The following MAP3K4 variants were observed in gnomAD, a reference collection of about 807,000 sequenced individuals.
MAP3K4 encodes MAP three kinase 1.
A neutral mutation model predicts 185.6 loss-of-function variants in MAP3K4; 67 were observed. The ratio of observed to expected loss-of-function variants is 0.36; its 90% CI spans 0.30 to 0.44. The LOEUF is 0.44. Ranked by LOEUF, MAP3K4 falls within the 20% of genes least tolerant of loss-of-function variation. MAP3K4 has a pLI of 1.00. For synonymous variants in MAP3K4, 702 were observed against 710.4 expected (o/e 0.99, Z 0.19); for missense variants, 1,551 against 1,995.1 (o/e 0.78, Z 4.24).
chr6:161,026,255 C>T (rs1273370082), intron 1 of MAP3K4, among the ~76,000 whole-genome samples: 3 of 151,876 alleles, frequency 2.0e-5, no homozygotes, highest in African/African-American at 4.8e-5. Flanking sequence ...CTCAGCCTCC[C>T]GAGTAGCTGG....
Position 161,041,319 on chromosome 6 carries a change from A to G in MAP3K4, c.343+6870A>G, listed in dbSNP as rs182985898. On this transcript the variant is annotated intron_variant, in intron 2 of 26. Coordinates refer to ENST00000392142, the MANE Select transcript of MAP3K4 (RefSeq NM_005922.4). ...TGTCTGTGGGTAACTATCTCTTAACAGGAGCCCCTGGGGGCTGGAGTGCAG... is the reference window on the plus strand; with the variant it reads ...TGTCTGTGGGTAACTATCTCTTAACGGGAGCCCCTGGGGGCTGGAGTGCAG... Among the ~76,000 whole-genome samples the G allele has an allele frequency of 4.6e-5, 7 of 152,308 alleles. No homozygotes were observed. In the East Asian group the frequency reaches 1.4e-3, roughly 29 times the overall value.
Position 161,087,790 on chromosome 6 carries a change from G to A in MAP3K4, c.2659G>A (p.Asp887Asn), listed in dbSNP as rs776867715. The A allele has an allele frequency of 2.9e-5, 46 of 1,614,024 alleles. 1 individual carries two copies. The highest frequency in any genetic ancestry group is 3.6e-5 in the Non-Finnish European group (43 of 1,180,016). ...LQLLNAAAGK[D>N]CSKDSDDVLI... Reference sequence around the variant, plus strand: ...GTTACTCAATGCAGCTGCAGGAAAGGACTGTTCAAAAGATTCAGATGACGT... The same window carrying A: ...GTTACTCAATGCAGCTGCAGGAAAGAACTGTTCAAAAGATTCAGATGACGT... Residue 887 changes from aspartate (D) to asparagine (N), a missense_variant, in exon 10 of 27, where the codon GAC becomes AAC. Physicochemically the swap from Asp to Asn is conservative, Grantham distance 23. Around this residue, in one of 16 missense-constraint regions of MAP3K4, gnomAD observed 261 missense variants for 306.5 expected, o/e 0.85. Transcript: ENST00000392142. This position sits in a 1 kb window ranked among gnomAD's most constrained non-coding sequence, Gnocchi z 4.9.
At position 161,108,694 on chromosome 6, in the gene MAP3K4, A is replaced by G. The variant is rs1166560234; in HGVS notation, c.4120-49A>G. On this transcript the variant is annotated intron_variant, in intron 21 of 26. Coordinates refer to ENST00000392142, the MANE Select transcript of MAP3K4 (RefSeq NM_005922.4). The surrounding 1 kb of genome is among the most constrained non-coding windows in gnomAD (Gnocchi z 5.7). ...ATGTTTCAGTGTATGTGTATAATGT[A>G]GAGTGATTAAATCAAGCCAGTTAAC... 1 of 1,004,294 alleles carries G rather than the reference A, an allele frequency of 1.0e-6. No homozygotes were observed. Among genetic ancestry groups the G allele is most frequent in the Non-Finnish European group, 1.6e-6 (1 of 623,460 alleles). 62.2% of individuals were successfully genotyped at this position (1,004,294 alleles called of 1,614,324 possible).
At chr6:161,035,304 T>A (rs983164093) in intron 2 of MAP3K4, among the ~76,000 whole-genome samples, 2 of 152,216 alleles carry the variant, frequency 1.3e-5, no homozygotes, top group Non-Finnish European at 2.9e-5. Context: ...CCTGTTGACC[T>A]CACACTCATT....
intron 1 of MAP3K4, among the ~76,000 whole-genome samples, chr6:161,033,642 G>A (rs1462883764): frequency 1.3e-5 from 2 of 152,080 alleles, no homozygotes; most frequent in Non-Finnish European, 2.9e-5. Flanking sequence ...TCATTTTCAA[G>A]TGGTTCAGTG....
chr6:161,031,470 T>C (rs1782926102), intron 1 of MAP3K4, among the ~76,000 whole-genome samples: 1 of 152,214 alleles, frequency 6.6e-6, no homozygotes, highest in Admixed American at 6.5e-5. Context: ...TCCCATGGCA[T>C]GTAGATCCCA....
rs1785803582 is a variant in MAP3K4 at position 161,087,736 on chromosome 6, C to T, written c.2605C>T (p.Leu869Phe). 6.2e-7 allele frequency: 1 copy of T among 1,614,160 alleles called. No individual in the cohort carries two copies. The highest frequency in any genetic ancestry group is 8.5e-7 in the Non-Finnish European group (1 of 1,180,008). ...CTTGCAAATGTTTGTTCCAGACACT[C>T]TTGCTGAGGAGAAGAGTATTATTTT... is the stretch of plus-strand genomic sequence containing the variant. ...ENLQMFVPDT[L>F]AEEKSIILQL... Residue 869 changes from leucine (L) to phenylalanine (F), a missense_variant, in exon 10 of 27, where the codon CTT (leucine) becomes TTT (phenylalanine). Leu to Phe is a conservative substitution (Grantham distance 22). Around this residue, in one of 16 missense-constraint regions of MAP3K4, gnomAD observed 261 missense variants for 306.5 expected, o/e 0.85. Coordinates refer to ENST00000392142, the MANE Select transcript of MAP3K4 (RefSeq NM_005922.4). This position sits in a 1 kb window ranked among gnomAD's most constrained non-coding sequence, Gnocchi z 4.9.
Position 161,080,664 on chromosome 6 carries a change from G to T in MAP3K4, c.2098-217G>T. ...ATTTTGAAGGGGTTGTCAATAATAT[G>T]TTAAATTGCTGGGGAGTTAGTTTTG... is the stretch of plus-strand genomic sequence containing the variant. On this transcript the variant is annotated intron_variant, in intron 5 of 26. Coordinates refer to ENST00000392142, the MANE Select transcript of MAP3K4 (RefSeq NM_005922.4). The surrounding 1 kb of genome is among the most constrained non-coding windows in gnomAD (Gnocchi z 4.8). 4.0e-6 allele frequency: 2 copies of T among 498,650 alleles called. No individual in the cohort carries two copies. The highest frequency in any genetic ancestry group is 7.2e-6 in the Non-Finnish European group (2 of 279,690). 30.9% of individuals were successfully genotyped at this position (498,650 alleles called of 1,614,324 possible).
intron 3 of MAP3K4, among the ~76,000 whole-genome samples, chr6:161,058,411 T>C (rs1784336177): frequency 1.3e-5 from 2 of 152,214 alleles, no homozygotes; most frequent in Non-Finnish European, 2.9e-5. Flanking sequence ...CATGACTTAC[T>C]GGGCCTGTGT....
In MAP3K4 at chr6:161,103,397, A is replaced by G. The variant is rs1777918456; in HGVS notation, c.3856+618A>G. ...TTTGAACTTTGTGTGACTGACCAGA[A>G]GAGTATTTGTCTTCCAAGGCCTAGA... On this transcript the variant is annotated intron_variant, in intron 19 of 26. Transcript: ENST00000392142. The surrounding 1 kb of genome is among the most constrained non-coding windows in gnomAD (Gnocchi z 4.6). Among the ~76,000 whole-genome samples the G allele has an allele frequency of 2.0e-5, 3 of 152,176 alleles. No individual in the cohort carries two copies. Among genetic ancestry groups the G allele is most frequent in the Admixed American group, 2.0e-4 (3 of 15,276 alleles).
chr6:161,098,563 C>CA lies in MAP3K4; in HGVS notation c.3674+136_3674+137insA. 4 of 1,020,154 alleles carry CA rather than the reference C, an allele frequency of 3.9e-6. No homozygotes were observed. The highest frequency in any genetic ancestry group is 2.7e-5 in the Admixed American group (1 of 36,800). The allele number at this position is 1,020,154 out of a possible 1,614,324, so 63.2% of individuals were successfully genotyped here. On this transcript the variant is annotated intron_variant, in intron 17 of 26. Coordinates refer to ENST00000392142, the MANE Select transcript of MAP3K4 (RefSeq NM_005922.4). The surrounding 1 kb of genome is among the most constrained non-coding windows in gnomAD (Gnocchi z 4.4). The stretch of plus-strand genomic sequence containing the variant: ...CGTGTGAGTGATGCTCTAGGGCCTT[C>CA]CGCAGGTTGTCACGGCCCAGAGGCT...
At chr6:161,010,430 A>G (rs549420494) in intron 1 of MAP3K4, among the ~76,000 whole-genome samples, 2 of 152,358 alleles carry the variant, frequency 1.3e-5, no homozygotes, top group South Asian at 4.1e-4. Context: ...TAGGCTAATA[A>G]AAGTGTTTAT....
At chr6:161,024,728 T>G (rs1195022700) in intron 1 of MAP3K4, among the ~76,000 whole-genome samples, 1 of 152,206 alleles carries the variant, frequency 6.6e-6, no homozygotes, top group Non-Finnish European at 1.5e-5. Context: ...GCTGTCAACA[T>G]GGCTTACCAC....
At chr6:160,995,508 C>G (rs917358863) in intron 1 of MAP3K4, among the ~76,000 whole-genome samples, 3 of 152,304 alleles carry the variant, frequency 2.0e-5, no homozygotes, top group African/African-American at 7.2e-5. Flanking sequence ...TGTGTGCTTT[C>G]CTCCTGACCC....
chr6:161,112,800 G>A lies in MAP3K4; in HGVS notation c.4626+26G>A, dbSNP rs749210300. On this transcript the variant is annotated intron_variant, in intron 25 of 26. Transcript: ENST00000392142. The surrounding 1 kb of genome is among the most constrained non-coding windows in gnomAD (Gnocchi z 5.1). ...GTAAGCGGAGCCCCCACACCTGGCG[G>A]AGCAACTTCAGAAGGGCACTGTGCA... The A allele has an allele frequency of 1.3e-6, 2 of 1,508,586 alleles. No individual in the cohort carries two copies. The highest frequency in any genetic ancestry group is 2.2e-5 in the Admixed American group (1 of 46,038). The allele number at this position is 1,508,586 out of a possible 1,614,324, so 93.5% of individuals were successfully genotyped here.
chr6:161,111,967 C>T lies in MAP3K4; in HGVS notation c.4519+9C>T, dbSNP rs767969489. The T allele has an allele frequency of 1.2e-5, 19 of 1,613,452 alleles. No homozygotes were observed. Among genetic ancestry groups the T allele is most frequent in the Non-Finnish European group, 1.4e-5 (16 of 1,179,694 alleles). ...CACCCTGGGGACAGCAGGTAGGGAC[C>T]AGCCTGGTTGTTCTTTGCACTCTGA... On this transcript the variant is annotated intron_variant, in intron 24 of 26. Coordinates refer to ENST00000392142, the MANE Select transcript of MAP3K4 (RefSeq NM_005922.4).
In MAP3K4 at chr6:161,115,807, A is replaced by G. The variant is rs558739699; in HGVS notation, c.4806+505A>G. Among the ~76,000 whole-genome samples the G allele has an allele frequency of 6.6e-6, 1 of 152,202 alleles. No homozygotes were observed. Among genetic ancestry groups the G allele is most frequent in the South Asian group, 2.1e-4 (1 of 4,812 alleles). ...AAAGTAAAGAAACTTGGAAACGCTC[A>G]CCCTTCCGGGAGAGTGGGATGGTCA... On this transcript the variant is annotated intron_variant, in intron 26 of 26. Coordinates refer to ENST00000392142, the MANE Select transcript of MAP3K4 (RefSeq NM_005922.4). This position sits in a 1 kb window ranked among gnomAD's most constrained non-coding sequence, Gnocchi z 6.0.
chr6:161,025,413 G>T (rs9458098), intron 1 of MAP3K4, among the ~76,000 whole-genome samples: 4,108 of 152,264 alleles, frequency 0.027, 123 homozygotes, highest in African/African-American at 0.072. Context: ...CTACTCTAGT[G>T]TCCGTTTTCC....
intron 3 of MAP3K4, among the ~76,000 whole-genome samples, chr6:161,066,277 G>T (rs1459272600): frequency 6.6e-6 from 1 of 152,012 alleles, no homozygotes; most frequent in Non-Finnish European, 1.5e-5. Flanking sequence ...ACATCTTAGT[G>T]GTGTTTTGAC....
Sources: gnomAD v4.1 joint callset for allele counts (sites outside exome capture counted in the v4.1 genomes callset) on GRCh38, gnomAD v4.1.1 for gene constraint, gnomAD v4.1.1 regional missense constraint, Gnocchi (gnomAD v3.1) non-coding constraint, MANE v1.5 for transcripts, NCBI Gene and HGNC (gene_info 2026-07-23, HGNC 2026-07-21) for gene names.